AGGF1: variants seen among roughly 807,000 people sequenced by gnomAD.
AGGF1 encodes the protein angiogenic factor with G-patch and FHA domains 1, also known as angiogenic factor with G patch and FHA domains 1.
A neutral mutation model predicts 86.5 loss-of-function variants in AGGF1; 56 were observed. The observed-to-expected ratio is 0.65, with a 90% CI of 0.52 to 0.81. The LOEUF (loss-of-function observed/expected upper bound fraction) is 0.81. Among genes scored for constraint, AGGF1 ranks in the 30% least tolerant of loss-of-function variants. The pLI, the probability that AGGF1 is intolerant of heterozygous loss-of-function variation, is 0.00. For synonymous variants in AGGF1, 313 were observed against 297.1 expected (o/e 1.05, Z -0.55); for missense variants, 816 against 850.9 (o/e 0.96, Z 0.51).
At chr5:77,044,906 T>TA (rs1747215639) in intron 5 of AGGF1, among the ~76,000 whole-genome samples, 1 of 151,660 alleles carries the variant, frequency 6.6e-6, no homozygotes, top group Non-Finnish European at 1.5e-5. Flanking sequence ...CTACTAAAAA[T>TA]AAAAAAATTA....
chr5:77,048,357 G>A, intron 7 of AGGF1, 85 bp downstream of exon 7: 3 of 1,193,686 alleles, frequency 2.5e-6, no homozygotes, highest in South Asian at 1.3e-5. Flanking sequence ...TTGTTTGTTT[G>A]TTTTTTGTTT....
chr5:77,050,456 T>C (rs772096606), intron 8 of AGGF1, among the ~76,000 whole-genome samples: 1 of 151,916 alleles, frequency 6.6e-6, no homozygotes, highest in African/African-American at 2.4e-5. Context: ...GCTAGCACTA[T>C]AGGCACACAC....
At chr5:77,048,294 T>C (rs1398741736) in intron 7 of AGGF1, 22 bp downstream of exon 7, 2 of 1,486,954 alleles carry the variant, frequency 1.3e-6, no homozygotes, top group Admixed American at 1.7e-5. Flanking sequence ...AATATTATTA[T>C]ATCATTCTTT....
intron 12 of AGGF1, 107 bp from the exon 13 acceptor site, chr5:77,061,596 C>T (rs572457308): frequency 5.5e-4 from 585 of 1,070,718 alleles, no homozygotes; most frequent in Non-Finnish European, 7.2e-4. Flanking sequence ...TAATGCCAAG[C>T]GGTTTTCTAA....
intron 5 of AGGF1, among the ~76,000 whole-genome samples, chr5:77,040,365 C>T (rs1333517344): frequency 6.6e-6 from 1 of 151,476 alleles, no homozygotes; most frequent in Non-Finnish European, 1.5e-5. Context: ...CTGCCTCTGC[C>T]TCCCAAAGTG....
intron 1 of AGGF1, among the ~76,000 whole-genome samples, chr5:77,032,330 G>C (rs1334568419): frequency 2.7e-5 from 4 of 150,828 alleles, no homozygotes; most frequent in African/African-American, 9.7e-5. Context: ...CACTTTGGGA[G>C]GCCGAGGCGG....
At chr5:77,044,633 T>G (rs1330212570) in intron 5 of AGGF1, among the ~76,000 whole-genome samples, 2 of 152,232 alleles carry the variant, frequency 1.3e-5, no homozygotes, top group African/African-American at 2.4e-5. Context: ...GGAAACTGCT[T>G]TTTTAAGAGT....
chr5:77,039,232 A>G (rs1368205959), intron 4 of AGGF1, among the ~76,000 whole-genome samples: 1 of 152,070 alleles, frequency 6.6e-6, no homozygotes, highest in Admixed American at 6.6e-5. Context: ...ATTAAGTGGA[A>G]CCATATGAAA....
chr5:77,059,323 T>G (rs1747512232), intron 11 of AGGF1, among the ~76,000 whole-genome samples: 1 of 152,196 alleles, frequency 6.6e-6, no homozygotes, highest in African/African-American at 2.4e-5. Flanking sequence ...ATATGACAAT[T>G]TCTTCATATC....
rs746854333 is a variant in AGGF1 at position 77,054,141 on chromosome 5, CAG to C, written c.1633+13_1633+14del. On this transcript the variant is annotated intron_variant, in intron 10 of 13. Transcript: ENST00000312916. ...AAGATGAATCTTTTGGTATGTGAAACAGATTAAATGTGGCTGTGATAACATTT... is the reference window on the plus strand; with the variant it reads ...AAGATGAATCTTTTGGTATGTGAAACATTAAATGTGGCTGTGATAACATTT... The C allele has an allele frequency of 1.2e-6, 2 of 1,614,050 alleles. No individual in the cohort carries two copies. The highest frequency in any genetic ancestry group is 2.2e-5 in the South Asian group (2 of 91,080).
chr5:77,042,103 A>G (rs1014211197), intron 5 of AGGF1, among the ~76,000 whole-genome samples: 3 of 151,756 alleles, frequency 2.0e-5, no homozygotes, highest in Non-Finnish European at 4.4e-5. Flanking sequence ...GACACAGCAC[A>G]TGTTTCAGAG....
rs1742740146 is a variant in AGGF1, at chr5:77,064,145, T to C, written c.*893T>C. ...TTAAATGTATTGATCTGCTTTGAAT[T>C]TTCAAGCAGCCAGAATTTTCTAGTT... On this transcript the variant is annotated 3_prime_UTR_variant, in exon 14 of 14. Coordinates refer to ENST00000312916, the MANE Select transcript of AGGF1 (RefSeq NM_018046.5). The C allele has an allele frequency of 6.6e-6, 1 of 152,664 alleles. No individual in the cohort carries two copies. The highest frequency in any genetic ancestry group is 1.5e-5 in the Non-Finnish European group (1 of 68,044). 9.5% of individuals were successfully genotyped at this position (152,664 alleles called of 1,614,324 possible).
chr5:77,048,851 A>T, intron 7 of AGGF1, 85 bp from the exon 8 acceptor site: 4 of 1,265,430 alleles, frequency 3.2e-6, no homozygotes, highest in Non-Finnish European at 4.6e-6. Flanking sequence ...GTATTTTAAC[A>T]TTATCTGTTT....
Position 77,054,125 on chromosome 5 carries a change from CT to C in AGGF1, c.1632del (p.Phe544LeufsTer6), listed in dbSNP as rs1747422339. 1 of 1,614,102 alleles carries C rather than the reference CT, an allele frequency of 6.2e-7. No homozygotes were observed. Among genetic ancestry groups the C allele is most frequent in the Non-Finnish European group, 8.5e-7 (1 of 1,180,012 alleles). On this transcript the variant is annotated frameshift_variant, in exon 10 of 14. Coordinates refer to ENST00000312916, the MANE Select transcript of AGGF1 (RefSeq NM_018046.5). LOFTEE classifies it high-confidence loss of function. ...AHLRLDKKDE[S>X]FVGPTLSKEE... The stretch of plus-strand genomic sequence containing the variant: ...CTTCGCCTTGATAAGAAAGATGAAT[CT>C]TTTGGTATGTGAAACAGATTAAATG...
chr5:77,048,565 C>G (rs1282590732), intron 7 of AGGF1, among the ~76,000 whole-genome samples: 7 of 152,176 alleles, frequency 4.6e-5, no homozygotes, highest in Non-Finnish European at 1.0e-4. Flanking sequence ...GTTGGCCAGA[C>G]TGGTCTCGAA....
intron 5 of AGGF1, among the ~76,000 whole-genome samples, chr5:77,044,860 C>T (rs991052217): frequency 2.0e-5 from 3 of 151,972 alleles, no homozygotes; most frequent in African/African-American, 4.8e-5. Flanking sequence ...GTCAAGAGAT[C>T]GAGACCAGTC....
Position 77,046,470 on chromosome 5 carries a change from A to G in AGGF1, c.994A>G (p.Lys332Glu). 1.9e-6 allele frequency: 3 copies of G among 1,614,066 alleles called. No homozygotes were observed. The highest frequency in any genetic ancestry group is 2.5e-6 in the Non-Finnish European group (3 of 1,179,980). ...IGIHHKNSPP[K>E]VTVPTSGNTI... ...CATTCATCACAAAAATAGTCCCCCC[A>G]AAGTCACTGTTCCAACTAGTGGAAA... Residue 332 changes from lysine (K) to glutamate (E), a missense_variant, in exon 6 of 14, where the codon AAA (lysine) becomes GAA (glutamate). Lys to Glu is a moderately conservative substitution (Grantham distance 56). Around this residue, in one of 3 missense-constraint regions of AGGF1, gnomAD observed 565 missense variants for 585.8 expected, o/e 0.96. Transcript: ENST00000312916.
intron 12 of AGGF1, among the ~76,000 whole-genome samples, chr5:77,060,279 C>CAT (rs1230424761): frequency 7.9e-5 from 12 of 152,168 alleles, no homozygotes; most frequent in Non-Finnish European, 1.6e-4. Flanking sequence ...CTTAAACACA[C>CAT]ATATATGTAT....
chr5:77,059,678 A>T lies in AGGF1; in HGVS notation c.1779A>T (p.Lys593Asn). 1 of 1,613,780 alleles carries T rather than the reference A, an allele frequency of 6.2e-7. No individual in the cohort carries two copies. Reference protein sequence around the residue: ...KNPKYKDRAGKRREQVGSEGT... With the variant: ...KNPKYKDRAGNRREQVGSEGT... The stretch of plus-strand genomic sequence containing the variant: ...CAAAATATAAAGATAGAGCTGGAAA[A>T]CGTAGGGAGCAGGTTGGAAGTGAAG... Residue 593 changes from lysine to asparagine, a missense_variant, in exon 12 of 14, where the codon AAA becomes AAT. Around this residue, in one of 3 missense-constraint regions of AGGF1, gnomAD observed 565 missense variants for 585.8 expected, o/e 0.96. Coordinates refer to ENST00000312916, the MANE Select transcript of AGGF1 (RefSeq NM_018046.5).
Sources: allele counts gnomAD v4.1 joint callset (sites outside exome capture counted in the v4.1 genomes callset), GRCh38; gene constraint gnomAD v4.1.1; regional missense constraint gnomAD v4.1.1; transcripts MANE v1.5; gene names NCBI Gene and HGNC (gene_info 2026-07-23, HGNC 2026-07-21).